Variants in ERC2 observed in about 807,000 individuals in gnomAD.
ERC2 encodes the protein ERC protein 2.
Under a neutral mutation model 114.8 loss-of-function variants are expected in ERC2, and 42 were observed. That is an observed-to-expected ratio of 0.37 (90% CI 0.29 to 0.47). ERC2 has a LOEUF of 0.47. Ranked by LOEUF, ERC2 falls within the 20% of genes least tolerant of loss-of-function variation. The probability of loss-of-function intolerance (pLI) is 0.99; values close to 1 mark genes in which losing one functional copy is unlikely to be tolerated. For synonymous variants in ERC2, 454 were observed against 425.5 expected (o/e 1.07, Z -0.82); for missense variants, 939 against 1,150.7 (o/e 0.82, Z 2.66).
intron 3 of ERC2, chr3:56,173,839 C>T (rs2082820023): frequency 7.6e-6 from 2 of 263,160 alleles, no homozygotes; most frequent in Non-Finnish European, 1.4e-5. Context: ...TCATAATTTA[C>T]TAAATTACAT....
chr3:56,167,146 T>C (rs1320908651), intron 4 of ERC2, among the ~76,000 whole-genome samples: 2 of 152,174 alleles, frequency 1.3e-5, no homozygotes, highest in Non-Finnish European at 2.9e-5. Context: ...CCAAAAAGCA[T>C]TCTGTCTTCT....
At chr3:56,248,543 A>G (rs995343551) in intron 3 of ERC2, among the ~76,000 whole-genome samples, 2 of 152,166 alleles carry the variant, frequency 1.3e-5, no homozygotes, top group Non-Finnish European at 2.9e-5. Flanking sequence ...GTTACTCTTT[A>G]TCTCCTGAAT....
intron 1 of ERC2, 99 bp downstream of exon 1, chr3:56,468,149 C>T (rs967152523): frequency 5.3e-5 from 8 of 152,020 alleles, no homozygotes; most frequent in Non-Finnish European, 1.2e-4. Context: ...ATTGCAGCTC[C>T]CCACGAGCGA....
At chr3:56,056,562 T>C (rs2076022725) in intron 7 of ERC2, among the ~76,000 whole-genome samples, 1 of 152,204 alleles carries the variant, frequency 6.6e-6, no homozygotes, top group South Asian at 2.1e-4. Flanking sequence ...TCATACATTA[T>C]TATGTATGGG....
chr3:56,178,455 C>G (rs892415701), intron 3 of ERC2, among the ~76,000 whole-genome samples: 6 of 152,078 alleles, frequency 3.9e-5, no homozygotes, highest in African/African-American at 1.4e-4. Flanking sequence ...ATTACCTAAC[C>G]TTGAAAGTCC....
At chr3:56,112,892 A>G (rs1247395613) in intron 6 of ERC2, among the ~76,000 whole-genome samples, 3 of 152,158 alleles carry the variant, frequency 2.0e-5, no homozygotes, top group Non-Finnish European at 2.9e-5. Flanking sequence ...GTAGCCGATA[A>G]AGGCCCATCA....
intron 3 of ERC2, among the ~76,000 whole-genome samples, chr3:56,242,187 G>A (rs942572898): frequency 6.7e-6 from 1 of 149,124 alleles, no homozygotes; most frequent in Non-Finnish European, 1.5e-5. Flanking sequence ...TTGGATGGAG[G>A]CCATTTTTCT....
intron 16 of ERC2, among the ~76,000 whole-genome samples, chr3:55,687,441 A>G (rs1006546494): frequency 3.3e-5 from 5 of 151,872 alleles, no homozygotes; most frequent in African/African-American, 1.2e-4. Context: ...TTTTCTTGAA[A>G]TCAAAGAATT....
At chr3:56,071,507 C>A (rs947018522) in intron 7 of ERC2, among the ~76,000 whole-genome samples, 1 of 152,284 alleles carries the variant, frequency 6.6e-6, no homozygotes, top group Middle Eastern at 3.4e-3. Flanking sequence ...TCAGCATAAC[C>A]AAAGTTACAT....
intron 1 of ERC2, among the ~76,000 whole-genome samples, chr3:56,451,561 G>A (rs1176889971): frequency 1.3e-5 from 2 of 152,208 alleles, no homozygotes; most frequent in Non-Finnish European, 2.9e-5. Flanking sequence ...CAAGGATCAA[G>A]TTCAGGGTGC....
chr3:55,608,710 A>G (rs966871488), intron 17 of ERC2, among the ~76,000 whole-genome samples: 2 of 152,156 alleles, frequency 1.3e-5, no homozygotes, highest in African/African-American at 4.8e-5. Context: ...GTAACCTTTC[A>G]CCCCCACATT....
rs151319678 is a variant in ERC2, at chr3:56,366,580, ATT to A, written c.657+67769_657+67770del. Among the ~76,000 whole-genome samples the A allele has an allele frequency of 5.7e-3, 867 of 151,880 alleles. 5 individuals are homozygous for A. Among genetic ancestry groups the A allele is most frequent in the Non-Finnish European group, 7.2e-3 (491 of 67,932 alleles). On this transcript the variant is annotated intron_variant, in intron 2 of 17. Coordinates refer to ENST00000288221, the MANE Select transcript of ERC2 (RefSeq NM_015576.3). ...TGGGCATTGAGTTCTTTGGCTGTTT[ATT>A]TTCCTCTTGGTAATACCAGGTTTTG... is the stretch of plus-strand genomic sequence containing the variant.
At chr3:56,204,922 CTGTGTGTGTGTGTG>C (rs58831473) in intron 3 of ERC2, among the ~76,000 whole-genome samples, 10 of 149,932 alleles carry the variant, frequency 6.7e-5, no homozygotes, top group Admixed American at 2.7e-4. Flanking sequence ...TGGGACGTGT[CTGTGTGTGTGTGTG>C]TGTGTGTGTG....
intron 7 of ERC2, among the ~76,000 whole-genome samples, chr3:56,036,538 G>A (rs962695245): frequency 2.6e-5 from 4 of 152,118 alleles, no homozygotes; most frequent in African/African-American, 7.2e-5. Context: ...GAACGAAAAC[G>A]GCAAGTGAAT....
chr3:56,002,484 G>A (rs148489195), intron 10 of ERC2, among the ~76,000 whole-genome samples: 4 of 152,178 alleles, frequency 2.6e-5, no homozygotes, highest in East Asian at 1.9e-4. Flanking sequence ...AAAAATTCGT[G>A]GTGGCACCTG....
intron 17 of ERC2, among the ~76,000 whole-genome samples, chr3:55,674,110 C>G (rs1184961609): frequency 6.6e-6 from 1 of 152,182 alleles, no homozygotes; most frequent in Non-Finnish European, 1.5e-5. Flanking sequence ...GCCCTGACCT[C>G]CCGACTGCCC....
intron 6 of ERC2, among the ~76,000 whole-genome samples, chr3:56,104,602 C>T (rs1048287376): frequency 2.0e-5 from 3 of 150,484 alleles, no homozygotes; most frequent in South Asian, 2.1e-4. Flanking sequence ...TCTTTGAATG[C>T]GACAGGACTA....
rs910577116 is a variant in ERC2, at chr3:55,508,958, A to G, written c.*2358T>C. On this transcript the variant is annotated 3_prime_UTR_variant, in exon 18 of 18. Coordinates refer to ENST00000288221, the MANE Select transcript of ERC2 (RefSeq NM_015576.3). ...TTTGCGCAAAGGAAATAGCTTCCCAACATCACAGTGTTTGTTGTAAACCCA... is the reference window on the plus strand; with the variant it reads ...TTTGCGCAAAGGAAATAGCTTCCCAGCATCACAGTGTTTGTTGTAAACCCA... The G allele has an allele frequency of 6.6e-6, 1 of 152,658 alleles. No individual in the cohort carries two copies. The highest frequency in any genetic ancestry group is 2.1e-4 in the South Asian group (1 of 4,830). 9.5% of individuals were successfully genotyped at this position (152,658 alleles called of 1,614,324 possible). A position where few individuals can be genotyped will look rare whatever the true frequency, so the allele number is the denominator to read the frequency against.
chr3:56,034,430 G>A (rs1022665039), intron 7 of ERC2, among the ~76,000 whole-genome samples: 4 of 152,046 alleles, frequency 2.6e-5, no homozygotes, highest in African/African-American at 4.8e-5. Context: ...AGGTCATCTA[G>A]ACAGAAAAAC....
Sources: gnomAD v4.1 joint callset for allele counts (sites outside exome capture counted in the v4.1 genomes callset) on GRCh38, gnomAD v4.1.1 for gene constraint, MANE v1.5 for transcripts, NCBI Gene and HGNC (gene_info 2026-07-23, HGNC 2026-07-21) for gene names.